TRANK1: variants seen among roughly 807,000 people sequenced by gnomAD.
TRANK1 encodes the protein TPR and ankyrin repeat-containing protein 1.
A neutral mutation model predicts 266.0 loss-of-function variants in TRANK1; 198 were observed. The ratio of observed to expected loss-of-function variants is 0.74; its 90% CI spans 0.66 to 0.84. TRANK1 has a LOEUF of 0.84. TRANK1 is among the 40% of genes least tolerant of loss of function. TRANK1 has a pLI of 0.00. For missense variants in TRANK1, 3,326 were observed against 3,634.6 expected (o/e 0.92, Z 2.18); for synonymous variants, 1,396 against 1,384.1 (o/e 1.01, Z -0.19).
Position 36,833,139 on chromosome 3 carries a change from C to G in TRANK1, c.6444G>C (p.Leu2148Phe), listed in dbSNP as rs772776190. Residue 2148 changes from leucine to phenylalanine, a missense_variant, in exon 22 of 24, where the codon TTG becomes TTC. By Grantham distance (22) the Leu-to-Phe change is conservative. Coordinates refer to ENST00000645898, the MANE Select transcript of TRANK1 (RefSeq NM_001329998.2). The part of the protein sequence containing the change: ...LRIIFDLDLN[L>F]REKKTKDHFL... ...AATGATCTTTTGTTTTTTTCTCTCT[C>G]AAGTTCAAATCCAGGTCAAAAATTA... 2 of 1,613,104 alleles carry G rather than the reference C, an allele frequency of 1.2e-6. No individual in the cohort carries two copies. Among genetic ancestry groups the G allele is most frequent in the African/African-American group, 1.3e-5 (1 of 74,978 alleles).
chr3:36,863,854 C>T (rs2079176937), intron 10 of TRANK1, among the ~76,000 whole-genome samples: 1 of 152,064 alleles, frequency 6.6e-6, no homozygotes, highest in Admixed American at 6.6e-5. Context: ...TATGAAGTGT[C>T]CATTTTAAAA....
At chr3:36,867,425 C>T (rs1429127762) in intron 9 of TRANK1, among the ~76,000 whole-genome samples, 2 of 152,188 alleles carry the variant, frequency 1.3e-5, no homozygotes, top group Non-Finnish European at 2.9e-5. Context: ...ATGGTTCAGA[C>T]TTGTTAAGAA....
chr3:36,831,509 C>T lies in TRANK1; in HGVS notation c.8074G>A (p.Asp2692Asn). The T allele has an allele frequency of 1.2e-6, 2 of 1,613,342 alleles. No homozygotes were observed. Among genetic ancestry groups the T allele is most frequent in the East Asian group, 2.2e-5 (1 of 44,852 alleles). Residue 2692 changes from aspartate (D) to asparagine (N), a missense_variant, in exon 22 of 24, where the codon GAT (aspartate) becomes AAT (asparagine). Asp to Asn is a conservative substitution (Grantham distance 23). Coordinates refer to ENST00000645898, the MANE Select transcript of TRANK1 (RefSeq NM_001329998.2). This position sits in a 1 kb window ranked among gnomAD's most constrained non-coding sequence, Gnocchi z 5.0. ...FAEPECEFGQ[D>N]EMDELALEDR... ...TCTAATGCCAGTTCATCCATCTCAT[C>T]CTGGCCAAACTCACACTCAGGTTCA...
intron 9 of TRANK1, among the ~76,000 whole-genome samples, chr3:36,866,197 T>A (rs188121218): frequency 6.6e-6 from 1 of 152,318 alleles, no homozygotes; most frequent in Admixed American, 6.5e-5. Context: ...AATGGAATCT[T>A]ACTGAACAGA....
At chr3:36,916,972 C>T (rs13080850) in intron 1 of TRANK1, among the ~76,000 whole-genome samples, 2 of 151,770 alleles carry the variant, frequency 1.3e-5, no homozygotes, top group South Asian at 2.1e-4. Context: ...TACACCACCA[C>T]GCCTGGCTAA....
At chr3:36,887,398 G>A (rs538402245) in intron 8 of TRANK1, among the ~76,000 whole-genome samples, 1 of 152,270 alleles carries the variant, frequency 6.6e-6, no homozygotes, top group African/African-American at 2.4e-5. Context: ...TATCTATGAT[G>A]AGGTTTCTTT....
At chr3:36,904,844 A>G (rs1247421653) in intron 2 of TRANK1, among the ~76,000 whole-genome samples, 2 of 152,076 alleles carry the variant, frequency 1.3e-5, no homozygotes, top group Non-Finnish European at 2.9e-5. Flanking sequence ...AGCCATTCCC[A>G]GCTGCAATGT....
Position 36,916,804 on chromosome 3 carries a change from T to G in TRANK1, c.24-8350A>C, listed in dbSNP as rs202071860. On this transcript the variant is annotated intron_variant, in intron 1 of 23. Coordinates refer to ENST00000645898, the MANE Select transcript of TRANK1 (RefSeq NM_001329998.2). ...AATATAAATGTATGGGTTTTTTTTG[T>G]TTTTTTTTTTGTTTTTTGTTTTTTT... Among the ~76,000 whole-genome samples the G allele has an allele frequency of 1.2e-3, 161 of 136,592 alleles. 2 individuals carry two copies. Among genetic ancestry groups the G allele is most frequent in the East Asian group, 0.01 (49 of 4,814 alleles). The allele number at this position is 136,592 out of a possible 152,430, so 89.6% of individuals were successfully genotyped here.
intron 9 of TRANK1, among the ~76,000 whole-genome samples, chr3:36,867,396 A>G (rs1282413004): frequency 1.3e-5 from 2 of 152,272 alleles, no homozygotes; most frequent in Non-Finnish European, 2.9e-5. Flanking sequence ...ATGCAGCTGC[A>G]TAATAAATAC....
intron 18 of TRANK1, among the ~76,000 whole-genome samples, chr3:36,842,361 G>A (rs1014579603): frequency 6.6e-6 from 1 of 152,224 alleles, no homozygotes; most frequent in Admixed American, 6.5e-5. Flanking sequence ...TCCTTGGTGG[G>A]GCAAAGGCCA....
chr3:36,877,376 T>C (rs569899921), intron 8 of TRANK1, among the ~76,000 whole-genome samples: 12 of 152,160 alleles, frequency 7.9e-5, no homozygotes, highest in Non-Finnish European at 1.8e-4. Context: ...TTTTTTAATA[T>C]ATTTAAAATT....
At chr3:36,919,720 T>G (rs780995060) in intron 1 of TRANK1, among the ~76,000 whole-genome samples, 6 of 152,218 alleles carry the variant, frequency 3.9e-5, no homozygotes, top group Non-Finnish European at 1.5e-5. Context: ...CAATTTATAC[T>G]CCCAAAAGCA....
At chr3:36,829,775 T>G (rs2078671194) in intron 22 of TRANK1, 113 bp from the exon 23 acceptor site, 2 of 1,110,948 alleles carry the variant, frequency 1.8e-6, no homozygotes, top group Non-Finnish European at 2.6e-6. Flanking sequence ...ATGTTTTCCC[T>G]GAAAAGAGCC....
At chr3:36,892,632 C>A (rs1360117976) in intron 6 of TRANK1, among the ~76,000 whole-genome samples, 1 of 152,098 alleles carries the variant, frequency 6.6e-6, no homozygotes, top group Non-Finnish European at 1.5e-5. Context: ...AGTTCAAGAC[C>A]AGCCAGGCCA....
intron 3 of TRANK1, among the ~76,000 whole-genome samples, chr3:36,899,560 G>A (rs929279321): frequency 2.0e-5 from 3 of 152,198 alleles, no homozygotes; most frequent in Non-Finnish European, 4.4e-5. Flanking sequence ...TCAGGAGGCT[G>A]AGGTGAGAGG....
intron 1 of TRANK1, among the ~76,000 whole-genome samples, chr3:36,938,855 G>C (rs575561997): frequency 1.3e-5 from 2 of 152,158 alleles, no homozygotes; most frequent in East Asian, 3.9e-4. Context: ...AGCTACTCAG[G>C]AGGCTGAGGC....
rs1246364194 is a variant in TRANK1 at position 36,833,498 on chromosome 3, T to C, written c.6085A>G (p.Ile2029Val). 23 of 1,613,828 alleles carry C rather than the reference T, an allele frequency of 1.4e-5. No homozygotes were observed. The highest frequency in any genetic ancestry group is 1.9e-5 in the Non-Finnish European group (22 of 1,179,850). The change falls in exon 22 of 24, where the codon ATT becomes GTT. Residue 2029 changes from isoleucine (I) to valine (V), a missense_variant. By Grantham distance (29) the Ile-to-Val change is conservative. Coordinates refer to ENST00000645898, the MANE Select transcript of TRANK1 (RefSeq NM_001329998.2). ...CCTTGCAGGAAGTGGGCCTCCGCAA[T>C]GCCAGACAACTGGCCAGTTTGATAG... ...ICYQTGQLSG[I>V]AEAHFLQGVI...
chr3:36,919,656 G>C (rs924923903), intron 1 of TRANK1, among the ~76,000 whole-genome samples: 2 of 152,186 alleles, frequency 1.3e-5, no homozygotes, highest in African/African-American at 4.8e-5. Flanking sequence ...GAGTGACAGG[G>C]AAGATGTGCT....
intron 1 of TRANK1, among the ~76,000 whole-genome samples, chr3:36,925,496 G>GAA (rs199952900): frequency 4.0e-5 from 6 of 149,954 alleles, no homozygotes; most frequent in African/African-American, 1.2e-4. Context: ...TAAAGTTAAA[G>GAA]AAAAAAAGGT....
Sources: gnomAD v4.1 joint callset for allele counts (sites outside exome capture counted in the v4.1 genomes callset) on GRCh38, gnomAD v4.1.1 for gene constraint, Gnocchi (gnomAD v3.1) non-coding constraint, MANE v1.5 for transcripts, NCBI Gene and HGNC (gene_info 2026-07-23, HGNC 2026-07-21) for gene names.